The following ADCY8 variants were observed in gnomAD, a reference collection of about 807,000 sequenced individuals.
ADCY8 encodes the protein adenylate cyclase type 8.
ADCY8 carries 51 observed loss-of-function variants against 119.7 expected under a neutral mutation model. That is an observed-to-expected ratio of 0.43 (90% CI 0.34 to 0.54). The LOEUF is 0.54. Ranked by LOEUF, ADCY8 falls within the 20% of genes least tolerant of loss-of-function variation. ADCY8 has a pLI of 0.03. For missense variants in ADCY8, 1,383 were observed against 1,598.8 expected, an observed-to-expected ratio of 0.87 and a Z score of 2.30; for synonymous variants, 665 against 651.0, an observed-to-expected ratio of 1.02 and a Z score of -0.33.
chr8:130,799,243 T>TG (rs1433449453), intron 15 of ADCY8, among the ~76,000 whole-genome samples: 14 of 152,214 alleles, frequency 9.2e-5, no homozygotes, highest in African/African-American at 3.4e-4. Flanking sequence ...TGAATAATAA[T>TG]GTATTGCATA....
intron 8 of ADCY8, among the ~76,000 whole-genome samples, chr8:130,878,854 G>T (rs1402313208): frequency 5.9e-5 from 9 of 152,044 alleles, no homozygotes; most frequent in Non-Finnish European, 1.2e-4. Context: ...CCTTGATATG[G>T]CTTGATTATC....
At chr8:130,817,928 C>G (rs1816395509) in intron 13 of ADCY8, among the ~76,000 whole-genome samples, 1 of 152,194 alleles carries the variant, frequency 6.6e-6, no homozygotes, top group Admixed American at 6.5e-5. Context: ...AGGCGATTAT[C>G]ATAAGCAGCT....
intron 8 of ADCY8, among the ~76,000 whole-genome samples, chr8:130,871,835 G>A (rs537763607): frequency 2.0e-5 from 3 of 152,156 alleles, no homozygotes; most frequent in South Asian, 2.1e-4. Context: ...ACCCACCACC[G>A]GGTAGAATTC....
At chr8:130,815,204 C>A (rs1427741285) in intron 13 of ADCY8, among the ~76,000 whole-genome samples, 1 of 152,176 alleles carries the variant, frequency 6.6e-6, no homozygotes. Flanking sequence ...CATCAGAAAA[C>A]AAACCCTTCC....
At chr8:130,984,031 C>T (rs1822319307) in intron 2 of ADCY8, among the ~76,000 whole-genome samples, 1 of 151,294 alleles carries the variant, frequency 6.6e-6, no homozygotes, top group South Asian at 2.1e-4. Flanking sequence ...TCAGTGGAAT[C>T]CCTGCAGGGA....
intron 14 of ADCY8, among the ~76,000 whole-genome samples, chr8:130,804,697 G>A (rs1299333018): frequency 2.0e-5 from 3 of 152,134 alleles, no homozygotes; most frequent in Non-Finnish European, 2.9e-5. Context: ...GTGTCTTAAC[G>A]ATTGTTTGTC....
At chr8:130,981,341 G>A (rs898007046) in intron 2 of ADCY8, among the ~76,000 whole-genome samples, 6 of 152,038 alleles carry the variant, frequency 3.9e-5, no homozygotes, top group African/African-American at 1.4e-4. Context: ...GCTATTTTAG[G>A]CATGGGTTAT....
At chr8:130,861,154 T>C (rs1039685467) in intron 9 of ADCY8, among the ~76,000 whole-genome samples, 6 of 152,214 alleles carry the variant, frequency 3.9e-5, no homozygotes, top group African/African-American at 1.4e-4. Flanking sequence ...TTTGTTGTTA[T>C]TCTTTTATGG....
At chr8:130,935,775 C>T (rs577073234) in intron 5 of ADCY8, among the ~76,000 whole-genome samples, 14 of 152,276 alleles carry the variant, frequency 9.2e-5, no homozygotes, top group Middle Eastern at 3.4e-3. Context: ...GAGAATATGA[C>T]GTTTGCTAGT....
At chr8:130,825,615 C>T (rs962452595) in intron 12 of ADCY8, among the ~76,000 whole-genome samples, 16 of 152,156 alleles carry the variant, frequency 1.1e-4, no homozygotes, top group Non-Finnish European at 2.2e-4. Flanking sequence ...AAGGCTGGGC[C>T]TAGAGAAGAT....
At chr8:131,018,260 A>G (rs1823545066) in intron 1 of ADCY8, among the ~76,000 whole-genome samples, 1 of 152,238 alleles carries the variant, frequency 6.6e-6, no homozygotes, top group Non-Finnish European at 1.5e-5. Flanking sequence ...TTGTTAAAAT[A>G]CACTACCTTG....
At chr8:130,949,936 A>C (rs1327575413) in intron 3 of ADCY8, among the ~76,000 whole-genome samples, 3 of 152,158 alleles carry the variant, frequency 2.0e-5, no homozygotes, top group African/African-American at 7.2e-5. Flanking sequence ...AAGCATCTAA[A>C]TCAGTGTAGC....
At chr8:130,803,398 A>G (rs1815843721) in intron 14 of ADCY8, among the ~76,000 whole-genome samples, 1 of 152,172 alleles carries the variant, frequency 6.6e-6, no homozygotes. Flanking sequence ...TCTTCCTTCA[A>G]GTGTGGATTC....
intron 8 of ADCY8, among the ~76,000 whole-genome samples, chr8:130,871,979 T>C (rs138938746): frequency 0.011 from 1,713 of 152,060 alleles, 40 homozygotes; most frequent in African/African-American, 0.039. Flanking sequence ...CACACACACA[T>C]ATGTATATAG....
intron 2 of ADCY8, among the ~76,000 whole-genome samples, chr8:130,962,047 T>G (rs893852798): frequency 6.6e-6 from 1 of 152,204 alleles, no homozygotes; most frequent in African/African-American, 2.4e-5. Context: ...ATCGATGCTT[T>G]CATGGGACAC....
At chr8:130,897,824 C>T (rs575325581) in intron 7 of ADCY8, among the ~76,000 whole-genome samples, 30 of 140,776 alleles carry the variant, frequency 2.1e-4, no homozygotes, top group Admixed American at 1.9e-3. Flanking sequence ...ACATATATCA[C>T]ACCACATACA....
chr8:130,780,429 T>C lies in ADCY8; in HGVS notation c.3717A>G (p.Gly1239=), dbSNP rs758325950. The change falls in exon 18 of 18, where the codon GGA becomes GGG. Residue 1239 remains glycine, a synonymous_variant. Coordinates refer to ENST00000286355, the MANE Select transcript of ADCY8 (RefSeq NM_001115.3). ...TLLSPSGTEP[G]AQAEGTDKSD... ...ATTTGTCGGTGCCTTCAGCCTGGGC[T>C]CCAGGCTCTGTGCCGCTGGGTGACA... The C allele has an allele frequency of 1.9e-5, 31 of 1,611,026 alleles. No individual in the cohort carries two copies. The East Asian group carries it at 6.9e-4, about 36-fold the overall frequency.
chr8:131,028,816 C>G lies in ADCY8; in HGVS notation c.960+10558G>C, dbSNP rs1279892129. 2.0e-5 allele frequency among the ~76,000 whole-genome samples: 3 copies of G among 152,132 alleles called. No homozygotes were observed. In the East Asian group the frequency reaches 5.8e-4, roughly 29 times the overall value. On this transcript the variant is annotated intron_variant, in intron 1 of 17. Coordinates refer to ENST00000286355, the MANE Select transcript of ADCY8 (RefSeq NM_001115.3). The stretch of plus-strand genomic sequence containing the variant: ...CGATATCTTCCCCTAAGGAGTGAGG[C>G]CTACCAGCCCCTCGGGTATGGAGTA...
intron 11 of ADCY8, among the ~76,000 whole-genome samples, chr8:130,846,545 T>G (rs1372083200): frequency 3.5e-5 from 4 of 113,422 alleles, no homozygotes; most frequent in African/African-American, 1.1e-4. Context: ...CCTTCCTTCC[T>G]TCATTCCTTC....
Sources: gnomAD v4.1 joint callset for allele counts (sites outside exome capture counted in the v4.1 genomes callset) on GRCh38, gnomAD v4.1.1 for gene constraint, MANE v1.5 for transcripts, NCBI Gene and HGNC (gene_info 2026-07-23, HGNC 2026-07-21) for gene names.